The following RBL1 variants were observed in gnomAD, a reference collection of about 807,000 sequenced individuals.
RBL1 encodes the protein RB transcriptional corepressor like 1, also known as retinoblastoma-like protein 1.
A neutral mutation model predicts 123.0 loss-of-function variants in RBL1; 82 were observed. The observed-to-expected ratio is 0.67, with a 90% CI of 0.56 to 0.80. The LOEUF (loss-of-function observed/expected upper bound fraction) is 0.80. Among genes scored for constraint, RBL1 ranks in the 30% least tolerant of loss-of-function variants. RBL1 has a pLI of 0.00. For missense variants in RBL1, 1,171 were observed against 1,299.6 expected, an observed-to-expected ratio of 0.90 and a Z score of 1.52; for synonymous variants, 405 against 441.3, an observed-to-expected ratio of 0.92 and a Z score of 1.03.
intron 19 of RBL1, among the ~76,000 whole-genome samples, chr20:37,016,025 T>G (rs1278419026): frequency 1.4e-5 from 2 of 145,988 alleles, no homozygotes; most frequent in South Asian, 2.2e-4. Context: ...CCAGCGGTTT[T>G]TTTTTTTTTT....
At position 37,068,014 on chromosome 20, in the gene RBL1, G is replaced by A; in HGVS notation, c.463C>T (p.Pro155Ser). The A allele has an allele frequency of 1.2e-6, 2 of 1,613,656 alleles. No individual in the cohort carries two copies. The highest frequency in any genetic ancestry group is 1.7e-6 in the Non-Finnish European group (2 of 1,179,928). ...TGCTTCCGGCTTCGTGGTAACTTTG[G>A]TGGTTCTTCATATGGATTTTGAAAT... ...DIFQNPYEEP[P>S]KLPRSRKQRR... is the part of the protein sequence containing the mutation. The change falls in exon 3 of 22, where the codon CCA becomes TCA. Residue 155 changes from proline to serine, a missense_variant. Coordinates refer to ENST00000373664, the MANE Select transcript of RBL1 (RefSeq NM_002895.5).
At chr20:37,017,024 C>T (rs1021605085) in intron 19 of RBL1, among the ~76,000 whole-genome samples, 8 of 151,662 alleles carry the variant, frequency 5.3e-5, no homozygotes, top group Non-Finnish European at 8.8e-5. Context: ...CGAGACAAGA[C>T]GAGACAAGAA....
At chr20:37,020,084 A>G (rs1361909905) in intron 18 of RBL1, among the ~76,000 whole-genome samples, 1 of 149,846 alleles carries the variant, frequency 6.7e-6, no homozygotes, top group African/African-American at 2.4e-5. Flanking sequence ...ATTATTATAC[A>G]TAACTTTTTT....
intron 9 of RBL1, among the ~76,000 whole-genome samples, chr20:37,057,044 CCTACCTAT>C (rs1250102367): frequency 4.1e-5 from 6 of 146,252 alleles, no homozygotes; most frequent in African/African-American, 1.0e-4. Flanking sequence ...TACCTACCTA[CCTACCTAT>C]CTACCTATCT....
intron 2 of RBL1, among the ~76,000 whole-genome samples, chr20:37,088,752 A>C (rs994325265): frequency 1.8e-4 from 27 of 151,868 alleles, no homozygotes; most frequent in African/African-American, 6.0e-4. Context: ...AATCCCAGAT[A>C]CTCAGGAGGC....
intron 2 of RBL1, among the ~76,000 whole-genome samples, chr20:37,080,751 G>A (rs1037194133): frequency 2.0e-5 from 3 of 152,064 alleles, no homozygotes; most frequent in Admixed American, 6.6e-5. Flanking sequence ...GAGCCACCAC[G>A]CCTGGCTCGC....
chr20:37,048,699 C>G (rs146163202), intron 11 of RBL1, among the ~76,000 whole-genome samples: 1 of 152,118 alleles, frequency 6.6e-6, no homozygotes, highest in African/African-American at 2.4e-5. Context: ...GTGTCTCATT[C>G]AAATTTAAGT....
At position 37,035,578 on chromosome 20, in the gene RBL1, C is replaced by A. The variant is rs996771294; in HGVS notation, c.1904-70G>T. 3.8e-5 allele frequency: 50 copies of A among 1,310,056 alleles called. No individual in the cohort carries two copies. The Middle Eastern group carries it at 7.8e-4, about 20-fold the overall frequency. The allele number at this position is 1,310,056 out of a possible 1,614,324, so 81.2% of individuals were successfully genotyped here. On this transcript the variant is annotated intron_variant, in intron 14 of 21. Coordinates refer to ENST00000373664, the MANE Select transcript of RBL1 (RefSeq NM_002895.5). ...AATAAATTAGGTTTACTCATTCACT[C>A]AACAGATAGTGAGTTACTTATGCTG...
At position 37,044,120 on chromosome 20, in the gene RBL1, T is replaced by C. The variant is rs1159847108; in HGVS notation, c.1736A>G (p.Gln579Arg). Residue 579 changes from glutamine (Q) to arginine (R), a missense_variant, in exon 13 of 22, where the codon CAG (glutamine) becomes CGG (arginine). Physicochemically the swap from Gln to Arg is conservative, Grantham distance 43. Coordinates refer to ENST00000373664, the MANE Select transcript of RBL1 (RefSeq NM_002895.5). ...GGTAGGAACTTTGTTTGCAGAAACC[T>C]GGAGAGCCTCCCACAGTGCAGAATC... is the stretch of plus-strand genomic sequence containing the variant. ...SHDSALWEAL[Q>R]VSANKVPTCE... 3 of 1,611,662 alleles carry C rather than the reference T, an allele frequency of 1.9e-6. No individual in the cohort carries two copies. The highest frequency in any genetic ancestry group is 1.7e-6 in the Non-Finnish European group (2 of 1,179,180).
At chr20:37,012,016 T>C (rs962424898) in intron 19 of RBL1, among the ~76,000 whole-genome samples, 1 of 152,220 alleles carries the variant, frequency 6.6e-6, no homozygotes, top group African/African-American at 2.4e-5. Flanking sequence ...GCGCGCGCTG[T>C]CACGCCTGAC....
In RBL1 at chr20:37,089,040, A is replaced by T; in HGVS notation, c.239T>A (p.Met80Lys). Residue 80 changes from methionine (M) to lysine (K), a missense_variant, in exon 2 of 22, where the codon ATG (methionine) becomes AAG (lysine). By Grantham distance (95) the Met-to-Lys change is moderately conservative. Transcript: ENST00000373664. ...SIIPTVGKGI[M>K]EGNCVSLTRI... Reference sequence around the variant, plus strand: ...GGTAAGTGAAACACAGTTGCCTTCCATGATACCCTTTCCAACCGTGGGAAT... The same window carrying T: ...GGTAAGTGAAACACAGTTGCCTTCCTTGATACCCTTTCCAACCGTGGGAAT... 1 of 1,612,960 alleles carries T rather than the reference A, an allele frequency of 6.2e-7. No homozygotes were observed. Among genetic ancestry groups the T allele is most frequent in the Non-Finnish European group, 8.5e-7 (1 of 1,179,386 alleles).
intron 7 of RBL1, among the ~76,000 whole-genome samples, chr20:37,064,992 T>G (rs2065156467): frequency 6.7e-6 from 1 of 150,206 alleles, no homozygotes; most frequent in Non-Finnish European, 1.5e-5. Flanking sequence ...AGTGCAGTGG[T>G]GCAATCACGG....
At chr20:37,074,841 T>C (rs767795869) in intron 2 of RBL1, among the ~76,000 whole-genome samples, 6 of 152,040 alleles carry the variant, frequency 3.9e-5, no homozygotes, top group African/African-American at 1.2e-4. Flanking sequence ...AAGTTAAACA[T>C]AGAATCACCA....
In RBL1 at chr20:37,095,784, A is replaced by T. The variant is rs770992115; in HGVS notation, c.145T>A (p.Tyr49Asn). Residue 49 changes from tyrosine (Y) to asparagine (N), a missense_variant, in exon 1 of 22, where the codon TAC becomes AAC. Coordinates refer to ENST00000373664, the MANE Select transcript of RBL1 (RefSeq NM_002895.5). ...LDDFTAIRGN[Y>N]SLEGEVTHWL... ...CTGCTGCCGCTCACCTCTAGGCTGT[A>T]GTTGCCTCGGATGGCAGTAAAGTCG... 2 of 1,608,704 alleles carry T rather than the reference A, an allele frequency of 1.2e-6. No individual in the cohort carries two copies. Among genetic ancestry groups the T allele is most frequent in the Non-Finnish European group, 1.7e-6 (2 of 1,177,706 alleles).
intron 21 of RBL1, 186 bp downstream of exon 21, chr20:37,003,516 A>C: frequency 8.9e-7 from 1 of 1,123,136 alleles, no homozygotes. Flanking sequence ...CCATGTCAAT[A>C]ATAATGGATT....
rs1254111447 is a variant in RBL1 at position 37,095,758 on chromosome 20, C to G, written c.156+15G>C. ...GCGAGGGTAGGGTCCGGCCGCCCCA[C>G]CTGCTGCCGCTCACCTCTAGGCTGT... On this transcript the variant is annotated intron_variant, in intron 1 of 21. Coordinates refer to ENST00000373664, the MANE Select transcript of RBL1 (RefSeq NM_002895.5). 5.1e-6 allele frequency: 8 copies of G among 1,573,824 alleles called. No homozygotes were observed. Among genetic ancestry groups the G allele is most frequent in the Admixed American group, 1.7e-5 (1 of 57,686 alleles).
At chr20:37,060,769 C>T (rs1259408750) in intron 9 of RBL1, among the ~76,000 whole-genome samples, 3 of 150,630 alleles carry the variant, frequency 2.0e-5, no homozygotes, top group Non-Finnish European at 4.4e-5. Flanking sequence ...GGAGACATAG[C>T]GAGACCCTGT....
chr20:37,080,528 G>A (rs1341630638), intron 2 of RBL1, among the ~76,000 whole-genome samples: 4 of 150,106 alleles, frequency 2.7e-5, no homozygotes. Flanking sequence ...GTGCGATCTC[G>A]GCTCACTACA....
At chr20:37,043,409 T>C (rs2064766312) in intron 13 of RBL1, among the ~76,000 whole-genome samples, 1 of 151,536 alleles carries the variant, frequency 6.6e-6, no homozygotes, top group African/African-American at 2.4e-5. Flanking sequence ...AGAGAATTGC[T>C]TGAACTGGGA....
Sources: allele counts gnomAD v4.1 joint callset (sites outside exome capture counted in the v4.1 genomes callset), GRCh38; gene constraint gnomAD v4.1.1; transcripts MANE v1.5; gene names NCBI Gene and HGNC (gene_info 2026-07-23, HGNC 2026-07-21).